Variants in DLGAP1 observed in about 807,000 individuals in gnomAD.
DLGAP1 encodes the protein DLG associated protein 1, also known as disks large-associated protein 1.
A neutral mutation model predicts 90.8 loss-of-function variants in DLGAP1; 11 were observed. The observed-to-expected ratio is 0.12, with a 90% confidence interval of 0.08 to 0.20. DLGAP1 has a LOEUF of 0.20. Ranked by LOEUF, DLGAP1 falls within the 10% of genes least tolerant of loss-of-function variation. DLGAP1 has a pLI of 1.00. For missense variants in DLGAP1, 1,050 were observed against 1,333.8 expected (o/e 0.79, Z 3.31); for synonymous variants, 558 against 540.7 (o/e 1.03, Z -0.44).
chr18:3,950,616 AT>A (rs903952363), intron 3 of DLGAP1, among the ~76,000 whole-genome samples: 2 of 152,246 alleles, frequency 1.3e-5, no homozygotes, highest in Non-Finnish European at 2.9e-5. Flanking sequence ...GAATGAATGA[AT>A]GATGAACATT....
chr18:3,675,633 A>G (rs916143582), intron 7 of DLGAP1, among the ~76,000 whole-genome samples: 13 of 152,100 alleles, frequency 8.5e-5, no homozygotes, highest in African/African-American at 3.1e-4. Context: ...CATCCACTCC[A>G]GCGGCCTCAT....
chr18:3,993,745 T>C (rs1162460258), intron 3 of DLGAP1, among the ~76,000 whole-genome samples: 1 of 152,050 alleles, frequency 6.6e-6, no homozygotes, highest in East Asian at 1.9e-4. Flanking sequence ...TCTCATAGTT[T>C]CCCTTCTCAT....
chr18:3,978,819 T>G (rs545662145), intron 3 of DLGAP1, among the ~76,000 whole-genome samples: 23 of 152,270 alleles, frequency 1.5e-4, no homozygotes, highest in Non-Finnish European at 3.1e-4. Flanking sequence ...CCACTTGGAA[T>G]TTACTATGTT....
chr18:4,393,540 C>A (rs143287678), intron 1 of DLGAP1, among the ~76,000 whole-genome samples: 3 of 152,250 alleles, frequency 2.0e-5, no homozygotes, highest in African/African-American at 7.2e-5. Flanking sequence ...AAATGGCAAC[C>A]CCTCCCATTA....
chr18:4,168,225 G>A (rs1356916522), intron 1 of DLGAP1, among the ~76,000 whole-genome samples: 1 of 152,112 alleles, frequency 6.6e-6, no homozygotes, highest in East Asian at 1.9e-4. Flanking sequence ...GTACGGTATT[G>A]GTGGAGAAAC....
rs766465724 is a variant in DLGAP1, at chr18:4,194,139, GT to G, written c.-266-42853del. Among the ~76,000 whole-genome samples, 61 of 152,162 alleles carry G rather than the reference GT, an allele frequency of 4.0e-4. 1 individual carries two copies. The highest frequency in any genetic ancestry group is 1.5e-3 in the African/African-American group (61 of 41,512). On this transcript the variant is annotated intron_variant, in intron 1 of 12. Transcript: ENST00000315677. The stretch of plus-strand genomic sequence containing the variant: ...TACTGAGCATAGTAGCCAACAGTTG[GT>G]TTTTCAACTTTGCCCCATTCCCTTC...
intron 7 of DLGAP1, among the ~76,000 whole-genome samples, chr18:3,658,494 C>T (rs1029737301): frequency 1.3e-5 from 2 of 152,156 alleles, no homozygotes; most frequent in Non-Finnish European, 2.9e-5. Context: ...TTGAACAAGA[C>T]AAATGGAAGT....
At chr18:3,588,407 C>T (rs1371476738) in intron 7 of DLGAP1, among the ~76,000 whole-genome samples, 2 of 150,918 alleles carry the variant, frequency 1.3e-5, no homozygotes, top group East Asian at 1.9e-4. Context: ...TGCGGTGAGC[C>T]GAGATTGCGC....
chr18:3,708,227 G>A, intron 7 of DLGAP1: 3 of 357,364 alleles, frequency 8.4e-6, no homozygotes, highest in South Asian at 4.2e-5. Context: ...GGCTGGTCTT[G>A]AATGCTTGAC....
intron 5 of DLGAP1, among the ~76,000 whole-genome samples, chr18:3,743,377 C>T (rs965544007): frequency 6.6e-5 from 10 of 151,408 alleles, no homozygotes; most frequent in African/African-American, 1.5e-4. Context: ...TTTTTTGAGA[C>T]GGAGTCTTGC....
intron 2 of DLGAP1, among the ~76,000 whole-genome samples, chr18:4,108,908 G>A (rs573224666): frequency 3.3e-5 from 5 of 152,292 alleles, no homozygotes; most frequent in Admixed American, 1.3e-4. Context: ...TCACATGAAA[G>A]AATGAACTTC....
At chr18:3,924,018 A>G (rs1599165649) in intron 3 of DLGAP1, among the ~76,000 whole-genome samples, 1 of 152,320 alleles carries the variant, frequency 6.6e-6, no homozygotes, top group South Asian at 2.1e-4. Context: ...CACATTTGAG[A>G]GTTCAGCCAC....
In DLGAP1 at chr18:4,265,694, TTCCTTCCC is replaced by T. The variant is rs1176026975; in HGVS notation, c.-266-114415_-266-114408del. Among the ~76,000 whole-genome samples the T allele has an allele frequency of 4.6e-4, 54 of 118,138 alleles. 1 individual carries two copies. The highest frequency in any genetic ancestry group is 1.8e-3 in the African/African-American group (47 of 25,718). The allele number at this position is 118,138 out of a possible 152,430, so 77.5% of individuals were successfully genotyped here. ...CTTCCTTCCTTCCTTCCTTCCTTCC[TTCCTTCCC>T]TCCTCTCTTCAGTGTCTCACTGTTG... On this transcript the variant is annotated intron_variant, in intron 1 of 12. Coordinates refer to ENST00000315677, the MANE Select transcript of DLGAP1 (RefSeq NM_004746.4).
chr18:3,735,965 C>T (rs1029802431), intron 6 of DLGAP1, among the ~76,000 whole-genome samples: 14 of 152,024 alleles, frequency 9.2e-5, no homozygotes, highest in Non-Finnish European at 1.9e-4. Flanking sequence ...CACACACACA[C>T]ACGCAAGCAC....
chr18:4,327,174 T>G (rs2080839910), intron 1 of DLGAP1, among the ~76,000 whole-genome samples: 3 of 152,066 alleles, frequency 2.0e-5, no homozygotes, highest in Admixed American at 2.0e-4. Context: ...TTAATAATAA[T>G]GTATTGTGTA....
chr18:3,685,021 C>T (rs912167862), intron 7 of DLGAP1, among the ~76,000 whole-genome samples: 10 of 152,114 alleles, frequency 6.6e-5, no homozygotes, highest in East Asian at 3.9e-4. Flanking sequence ...ATTTATAAAG[C>T]GCTAATTTTC....
At chr18:3,764,253 C>T (rs1278425725) in intron 5 of DLGAP1, among the ~76,000 whole-genome samples, 2 of 152,152 alleles carry the variant, frequency 1.3e-5, no homozygotes, top group Admixed American at 6.5e-5. Context: ...TAGTCTTAAC[C>T]ATCCTGTACC....
intron 8 of DLGAP1, among the ~76,000 whole-genome samples, chr18:3,571,701 AT>A (rs2054798887): frequency 6.6e-6 from 1 of 151,122 alleles, no homozygotes; most frequent in African/African-American, 2.4e-5. Flanking sequence ...TAATTTTTGT[AT>A]TTTTTAGTAG....
Position 3,634,883 on chromosome 18 carries a change from C to T in DLGAP1, c.1592-52635G>A, listed in dbSNP as rs146307744. On this transcript the variant is annotated intron_variant, in intron 7 of 12. Coordinates refer to ENST00000315677, the MANE Select transcript of DLGAP1 (RefSeq NM_004746.4). The stretch of plus-strand genomic sequence containing the variant: ...CTTGATATTTCAACTCAATGACATC[C>T]AATTTTTTTAAGCAGAGTAAATTTT... 1.6e-3 allele frequency among the ~76,000 whole-genome samples: 237 copies of T among 152,234 alleles called. 1 individual carries two copies. The highest frequency in any genetic ancestry group is 5.5e-3 in the African/African-American group (227 of 41,550).
Sources: gnomAD v4.1 joint callset for allele counts (sites outside exome capture counted in the v4.1 genomes callset) on GRCh38, gnomAD v4.1.1 for gene constraint, MANE v1.5 for transcripts, NCBI Gene and HGNC (gene_info 2026-07-23, HGNC 2026-07-21) for gene names.